The following GPHN variants were observed in gnomAD, a reference collection of about 807,000 sequenced individuals.
GPHN encodes the protein gephyrin.
GPHN carries 17 observed loss-of-function variants against 95.5 expected under a neutral mutation model. The ratio of observed to expected loss-of-function variants is 0.18; its 90% CI spans 0.12 to 0.27. The LOEUF is 0.27. GPHN is among the 10% of genes least tolerant of loss of function. GPHN has a pLI of 1.00. For missense variants in GPHN, 660 were observed against 978.1 expected, an observed-to-expected ratio of 0.67 and a Z score of 4.34; for synonymous variants, 320 against 322.5, an observed-to-expected ratio of 0.99 and a Z score of 0.08.
chr14:66,695,806 A>G (rs1458519999), intron 2 of GPHN, among the ~76,000 whole-genome samples: 2 of 152,372 alleles, frequency 1.3e-5, no homozygotes, highest in East Asian at 3.9e-4. Context: ...TGGAAAAGGC[A>G]AAACTATGAA....
the GPHN span, chr14:67,593,882 T>G: frequency 6.2e-7 from 1 of 1,613,338 alleles, no homozygotes; most frequent in East Asian, 2.2e-5. Flanking sequence ...CTGATCAATC[T>G]TCACAAAATG....
chr14:66,775,256 C>T lies in GPHN; in HGVS notation c.144-1208C>T, dbSNP rs534767287. Among the ~76,000 whole-genome samples, 42 of 151,966 alleles carry T rather than the reference C, an allele frequency of 2.8e-4. No homozygotes were observed. In the South Asian group the frequency reaches 5.2e-3, roughly 19 times the overall value. On this transcript the variant is annotated intron_variant, in intron 2 of 22. Coordinates refer to ENST00000478722, the MANE Select transcript of GPHN (RefSeq NM_020806.5). ...GGGTCCAGAATACATAAGTCTCTTA[C>T]GTATGATACTCCTTTTTTTGTTACT...
At chr14:66,572,856 C>T (rs577686563) in intron 1 of GPHN, among the ~76,000 whole-genome samples, 2 of 152,278 alleles carry the variant, frequency 1.3e-5, no homozygotes, top group East Asian at 1.9e-4. Flanking sequence ...GAAAAGCTTT[C>T]AACTTTCTAC....
At chr14:66,780,784 C>A (rs2059576948) in intron 3 of GPHN, among the ~76,000 whole-genome samples, 1 of 152,130 alleles carries the variant, frequency 6.6e-6, no homozygotes, top group South Asian at 2.1e-4. Flanking sequence ...TTAGCATTTT[C>A]AGCTGAAATC....
the GPHN span, among the ~76,000 whole-genome samples, chr14:67,584,601 G>A: frequency 6.6e-6 from 1 of 152,196 alleles, no homozygotes; most frequent in East Asian, 1.9e-4. Context: ...AAACTTTATA[G>A]ATAATTACAG....
chr14:67,465,242 G>A, the GPHN span, among the ~76,000 whole-genome samples: 1 of 152,368 alleles, frequency 6.6e-6, no homozygotes, highest in Non-Finnish European at 1.5e-5. Context: ...CCAGCTTTAA[G>A]TGAGCTCATC....
At chr14:67,663,270 A>G in the GPHN span, 1 of 1,032,020 alleles carries the variant, frequency 9.7e-7, no homozygotes, top group Non-Finnish European at 1.4e-6. Flanking sequence ...GTATTTTCTG[A>G]TAGTTTATAC....
At chr14:67,730,373 A>G in the GPHN span, among the ~76,000 whole-genome samples, 1 of 152,218 alleles carries the variant, frequency 6.6e-6, no homozygotes, top group Non-Finnish European at 1.5e-5. Context: ...GTAAGTGTAC[A>G]GTGCATACCA....
intron 9 of GPHN, among the ~76,000 whole-genome samples, chr14:66,968,060 A>C (rs2069472430): frequency 6.6e-6 from 1 of 151,976 alleles, no homozygotes; most frequent in Non-Finnish European, 1.5e-5. Context: ...AAAATAATGA[A>C]TCTTTTTGCC....
At chr14:67,485,552 G>C in the GPHN span, among the ~76,000 whole-genome samples, 1 of 152,198 alleles carries the variant, frequency 6.6e-6, no homozygotes, top group Non-Finnish European at 1.5e-5. Flanking sequence ...AAAAAAGCTT[G>C]TCTGTTCAAG....
At chr14:67,132,461 T>C (rs1280021327) in intron 17 of GPHN, among the ~76,000 whole-genome samples, 1 of 152,200 alleles carries the variant, frequency 6.6e-6, no homozygotes, top group Non-Finnish European at 1.5e-5. Context: ...AATAGATTTA[T>C]TTTCTTCTTT....
At chr14:67,670,934 A>G in the GPHN span, among the ~76,000 whole-genome samples, 2 of 152,234 alleles carry the variant, frequency 1.3e-5, no homozygotes, top group Non-Finnish European at 2.9e-5. Flanking sequence ...TCAATTACAG[A>G]GCATAAGCTA....
intron 1 of GPHN, among the ~76,000 whole-genome samples, chr14:66,540,977 T>C (rs1445270956): frequency 6.6e-6 from 1 of 151,910 alleles, no homozygotes; most frequent in African/African-American, 2.4e-5. Flanking sequence ...AGACGGAGTC[T>C]CCCACTGTCA....
At chr14:66,937,919 T>C (rs1228768522) in intron 8 of GPHN, among the ~76,000 whole-genome samples, 2 of 152,300 alleles carry the variant, frequency 1.3e-5, no homozygotes, top group Non-Finnish European at 2.9e-5. Context: ...AGTTCCTCTC[T>C]TCTCCAGGTC....
chr14:67,501,686 G>C, the GPHN span, among the ~76,000 whole-genome samples: 9 of 152,332 alleles, frequency 5.9e-5, no homozygotes, highest in Admixed American at 5.2e-4. Context: ...TCCTGCTCCA[G>C]TGCCAAAGGC....
chr14:67,572,301 C>A, the GPHN span: 1 of 1,565,798 alleles, frequency 6.4e-7, no homozygotes, highest in Non-Finnish European at 8.6e-7. Flanking sequence ...CGGGCGGGGG[C>A]AGGGTGGAAG....
At chr14:67,477,798 T>C in the GPHN span, among the ~76,000 whole-genome samples, 1 of 152,290 alleles carries the variant, frequency 6.6e-6, no homozygotes, top group East Asian at 1.9e-4. Flanking sequence ...AAACCCATTA[T>C]CTTTTCCCCA....
the GPHN span, chr14:67,722,835 C>CAGGA: frequency 1.2e-6 from 1 of 861,554 alleles, no homozygotes; most frequent in East Asian, 2.5e-5. Flanking sequence ...GCAGGAAAAG[C>CAGGA]AGGAAGGAAG....
intron 1 of GPHN, chr14:66,509,295 T>A (rs1401871302): frequency 6.3e-5 from 8 of 127,098 alleles, no homozygotes; most frequent in African/African-American, 3.5e-4. Context: ...GGCTGCAGCC[T>A]GCTGCCGGGG....
Sources: gnomAD v4.1 joint callset for allele counts (sites outside exome capture counted in the v4.1 genomes callset) on GRCh38, gnomAD v4.1.1 for gene constraint, MANE v1.5 for transcripts, NCBI Gene and HGNC (gene_info 2026-07-23, HGNC 2026-07-21) for gene names.